Variants in CSMD1 observed in about 807,000 individuals in gnomAD.
CSMD1 encodes the protein CUB and sushi domain-containing protein 1.
A neutral mutation model predicts 417.5 loss-of-function variants in CSMD1; 213 were observed. The ratio of observed to expected loss-of-function variants is 0.51; its 90% CI spans 0.46 to 0.57. CSMD1 has a LOEUF of 0.57. Among genes scored for constraint, CSMD1 ranks in the 20% least tolerant of loss-of-function variants. CSMD1 has a pLI of 0.00. For synonymous variants in CSMD1, 2,862 were observed against 1,736.8 expected (o/e 1.65, Z -16.11); for missense variants, 6,923 against 4,529.7 (o/e 1.53, Z -15.17).
intron 5 of CSMD1, among the ~76,000 whole-genome samples, chr8:3,944,332 T>C (rs1465010605): frequency 6.6e-6 from 1 of 152,164 alleles, no homozygotes; most frequent in Non-Finnish European, 1.5e-5. Context: ...TAATGCCTTA[T>C]TTTTTAAAGA....
chr8:4,591,767 T>C (rs1350972744), intron 2 of CSMD1, among the ~76,000 whole-genome samples: 5 of 152,136 alleles, frequency 3.3e-5, no homozygotes, highest in African/African-American at 4.8e-5. Flanking sequence ...GTTTTGGAAA[T>C]ACTTAGCGTA....
chr8:4,869,398 G>C (rs891010029), intron 1 of CSMD1, among the ~76,000 whole-genome samples: 1 of 151,884 alleles, frequency 6.6e-6, no homozygotes, highest in African/African-American at 2.4e-5. Flanking sequence ...TCATAACTTT[G>C]AGTTACTTGA....
intron 1 of CSMD1, among the ~76,000 whole-genome samples, chr8:4,746,731 G>C (rs1172413080): frequency 6.6e-6 from 1 of 152,126 alleles, no homozygotes; most frequent in Non-Finnish European, 1.5e-5. Context: ...ATCCACCTCG[G>C]TGGGAGTCAC....
At position 4,594,726 on chromosome 8, in the gene CSMD1, G is replaced by A. The variant is rs1014320816; in HGVS notation, c.302+42616C>T. On this transcript the variant is annotated intron_variant, in intron 2 of 69. Coordinates refer to ENST00000635120, the MANE Select transcript of CSMD1 (RefSeq NM_033225.6). ...ACCTTTCCATTTAACATTTGAAATTGTTACCTGCCTGTTCACATGGCTATC... is the reference window on the plus strand; with the variant it reads ...ACCTTTCCATTTAACATTTGAAATTATTACCTGCCTGTTCACATGGCTATC... Among the ~76,000 whole-genome samples the A allele has an allele frequency of 6.6e-5, 10 of 152,162 alleles. No individual in the cohort carries two copies. The East Asian group carries it at 1.9e-3, about 29-fold the overall frequency.
chr8:3,956,306 C>A (rs1301353643), intron 5 of CSMD1, among the ~76,000 whole-genome samples: 1 of 152,160 alleles, frequency 6.6e-6, no homozygotes, highest in Non-Finnish European at 1.5e-5. Flanking sequence ...CTGTTATTAT[C>A]CCCATCTCAA....
rs147931283 is a variant in CSMD1, at chr8:2,945,902, G to T, written c.10403-3298C>A. The stretch of plus-strand genomic sequence containing the variant: ...CATCTTTGCACATGTGATAAGCTAG[G>T]TCATTCAATTTTCTAAAGAGCATTA... On this transcript the variant is annotated intron_variant, in intron 68 of 69. Transcript: ENST00000635120. Among the ~76,000 whole-genome samples, 19 of 152,266 alleles carry T rather than the reference G, an allele frequency of 1.2e-4. No individual in the cohort carries two copies. In the East Asian group the frequency reaches 3.3e-3, roughly 26 times the overall value.
chr8:4,099,779 C>A (rs147585587), intron 3 of CSMD1, among the ~76,000 whole-genome samples: 1 of 152,292 alleles, frequency 6.6e-6, no homozygotes, highest in East Asian at 1.9e-4. Context: ...CAGCCACTTC[C>A]CTTATGATAG....
At chr8:3,451,441 G>A (rs1390029010) in intron 12 of CSMD1, among the ~76,000 whole-genome samples, 2 of 152,082 alleles carry the variant, frequency 1.3e-5, no homozygotes, top group African/African-American at 2.4e-5. Flanking sequence ...GGGTTTTTAT[G>A]GTTTTAGGGC....
intron 1 of CSMD1, among the ~76,000 whole-genome samples, chr8:4,785,178 C>T (rs886329020): frequency 6.6e-6 from 1 of 152,148 alleles, no homozygotes; most frequent in Admixed American, 6.5e-5. Context: ...GAATATGACT[C>T]CTAGCCTGAT....
intron 50 of CSMD1, among the ~76,000 whole-genome samples, chr8:3,029,996 C>A (rs1810233592): frequency 2.0e-5 from 3 of 152,116 alleles, no homozygotes; most frequent in South Asian, 4.2e-4. Context: ...ATCTATATAT[C>A]ATTGAATGTA....
intron 18 of CSMD1, among the ~76,000 whole-genome samples, chr8:3,369,945 T>G (rs962943692): frequency 1.3e-5 from 2 of 152,172 alleles, no homozygotes; most frequent in African/African-American, 4.8e-5. Context: ...ATCCTTTACA[T>G]TTCTCCCATC....
intron 1 of CSMD1, among the ~76,000 whole-genome samples, chr8:4,846,021 C>A (rs556026511): frequency 6.6e-6 from 1 of 152,286 alleles, no homozygotes; most frequent in South Asian, 2.1e-4. Context: ...TTTCTCACTT[C>A]TTTGTTTTTC....
intron 12 of CSMD1, among the ~76,000 whole-genome samples, chr8:3,450,225 C>G (rs766396672): frequency 2.6e-5 from 4 of 152,196 alleles, no homozygotes; most frequent in African/African-American, 9.7e-5. Flanking sequence ...CGTTGACCAA[C>G]TGACTTCATG....
intron 5 of CSMD1, among the ~76,000 whole-genome samples, chr8:3,880,148 C>G (rs982633654): frequency 6.6e-5 from 10 of 151,998 alleles, no homozygotes; most frequent in African/African-American, 2.4e-4. Flanking sequence ...CTAGTACCTT[C>G]GACCATGGTA....
intron 1 of CSMD1, among the ~76,000 whole-genome samples, chr8:4,957,411 G>A (rs1380456580): frequency 3.9e-5 from 6 of 152,142 alleles, no homozygotes; most frequent in Non-Finnish European, 8.8e-5. Flanking sequence ...CGGGCACTAT[G>A]GTCGGAAACC....
At chr8:4,653,891 T>C (rs540540000) in intron 1 of CSMD1, among the ~76,000 whole-genome samples, 3 of 151,974 alleles carry the variant, frequency 2.0e-5, no homozygotes, top group Non-Finnish European at 2.9e-5. Flanking sequence ...ATGCAAAATA[T>C]CTCAGTAGTC....
chr8:4,919,572 T>C (rs1585327859), intron 1 of CSMD1, among the ~76,000 whole-genome samples: 1 of 152,200 alleles, frequency 6.6e-6, no homozygotes, highest in African/African-American at 2.4e-5. Flanking sequence ...AATAAAATGA[T>C]TCAATACCCA....
intron 48 of CSMD1, among the ~76,000 whole-genome samples, chr8:3,089,950 A>T (rs538441105): frequency 6.6e-6 from 1 of 152,188 alleles, no homozygotes; most frequent in Non-Finnish European, 1.5e-5. Flanking sequence ...AAACAAGATA[A>T]ATTATGTTCA....
intron 21 of CSMD1, among the ~76,000 whole-genome samples, chr8:3,351,636 T>C (rs1026349957): frequency 4.7e-5 from 7 of 149,228 alleles, no homozygotes; most frequent in African/African-American, 1.7e-4. Flanking sequence ...AAGGAAAGTA[T>C]ACAAACTTGG....
Sources: allele counts gnomAD v4.1 joint callset (sites outside exome capture counted in the v4.1 genomes callset), GRCh38; gene constraint gnomAD v4.1.1; transcripts MANE v1.5; gene names NCBI Gene and HGNC (gene_info 2026-07-23, HGNC 2026-07-21).